SHISA9: variants seen among roughly 807,000 people sequenced by gnomAD.
The protein encoded by SHISA9 is shisa family member 9.
A neutral mutation model predicts 38.0 loss-of-function variants in SHISA9; 13 were observed. The ratio of observed to expected loss-of-function variants is 0.34; its 90% CI spans 0.22 to 0.54. The LOEUF (loss-of-function observed/expected upper bound fraction) is 0.54. Among genes scored for constraint, SHISA9 ranks in the 20% least tolerant of loss-of-function variants. The pLI is 0.91. For synonymous variants in SHISA9, 275 were observed against 242.0 expected, an observed-to-expected ratio of 1.14 and a Z score of -1.27; for missense variants, 538 against 575.8, an observed-to-expected ratio of 0.93 and a Z score of 0.67.
chr16:13,111,355 A>C (rs1029538655), intron 2 of SHISA9, among the ~76,000 whole-genome samples: 2 of 151,730 alleles, frequency 1.3e-5, no homozygotes, highest in African/African-American at 4.8e-5. Flanking sequence ...AAAAAAAAAA[A>C]AAAACCCAAA....
intron 2 of SHISA9, among the ~76,000 whole-genome samples, chr16:13,000,665 G>A (rs1223971850): frequency 6.6e-6 from 1 of 152,166 alleles, no homozygotes; most frequent in African/African-American, 2.4e-5. Context: ...GGCACTGACA[G>A]TGTCTGCTAG....
At chr16:13,359,715 G>A in the SHISA9 span, among the ~76,000 whole-genome samples, 2 of 152,042 alleles carry the variant, frequency 1.3e-5, no homozygotes, top group African/African-American at 4.8e-5. Flanking sequence ...GAAGTTTATG[G>A]GTCACTTCTT....
the SHISA9 span, among the ~76,000 whole-genome samples, chr16:13,420,245 CAAAAAAAAAAAAA>C: frequency 4.2e-4 from 21 of 50,406 alleles, no homozygotes; most frequent in South Asian, 0.022. Flanking sequence ...GAATCTGTTT[CAAAAAAAAAAAAA>C]AAAAAAAAAA....
intron 2 of SHISA9, among the ~76,000 whole-genome samples, chr16:13,022,076 C>A (rs1306827291): frequency 2.0e-5 from 3 of 152,124 alleles, no homozygotes; most frequent in Non-Finnish European, 4.4e-5. Context: ...CTTGTGGGTG[C>A]ATAATTCCAT....
At chr16:13,157,271 A>C (rs548255798) in intron 2 of SHISA9, among the ~76,000 whole-genome samples, 26 of 152,348 alleles carry the variant, frequency 1.7e-4, no homozygotes, top group African/African-American at 4.3e-4. Flanking sequence ...CTATCCTAGC[A>C]TTAAGGAAGT....
intron 2 of SHISA9, among the ~76,000 whole-genome samples, chr16:13,041,279 C>T (rs1030683577): frequency 6.6e-6 from 1 of 152,190 alleles, no homozygotes; most frequent in Non-Finnish European, 1.5e-5. Context: ...ACTTGAACAA[C>T]CTGATCTCTC....
chr16:13,318,922 C>A, the SHISA9 span, among the ~76,000 whole-genome samples: 1 of 152,266 alleles, frequency 6.6e-6, no homozygotes, highest in Non-Finnish European at 1.5e-5. Flanking sequence ...GAGCTCTCCA[C>A]CATGTGGGTC....
intron 2 of SHISA9, among the ~76,000 whole-genome samples, chr16:13,081,116 C>T (rs997713052): frequency 6.6e-6 from 1 of 152,204 alleles, no homozygotes; most frequent in East Asian, 1.9e-4. Context: ...AATCATAGCC[C>T]TAAATGATGG....
At chr16:13,032,492 T>G (rs905891338) in intron 2 of SHISA9, among the ~76,000 whole-genome samples, 4 of 152,166 alleles carry the variant, frequency 2.6e-5, no homozygotes, top group African/African-American at 9.7e-5. Context: ...ACTGATGAAG[T>G]TTTTGAATGG....
chr16:13,038,433 G>T (rs532603440), intron 2 of SHISA9, among the ~76,000 whole-genome samples: 1 of 152,142 alleles, frequency 6.6e-6, no homozygotes, highest in Admixed American at 6.5e-5. Context: ...GCCTCACCTT[G>T]TGCTAGTCCC....
the SHISA9 span, among the ~76,000 whole-genome samples, chr16:13,553,452 G>A: frequency 6.6e-6 from 1 of 152,132 alleles, no homozygotes; most frequent in Admixed American, 6.5e-5. Context: ...CCATTTTACA[G>A]GTGGGAGAAC....
At chr16:13,165,486 A>G (rs2050627583) in intron 2 of SHISA9, among the ~76,000 whole-genome samples, 1 of 152,326 alleles carries the variant, frequency 6.6e-6, no homozygotes, top group Non-Finnish European at 1.5e-5. Flanking sequence ...TTTTAAGAAG[A>G]GTTATTTAAT....
chr16:13,061,121 A>G (rs892893557), intron 2 of SHISA9, among the ~76,000 whole-genome samples: 7 of 152,172 alleles, frequency 4.6e-5, no homozygotes, highest in African/African-American at 7.2e-5. Flanking sequence ...TTGGAAGCCA[A>G]TCCTCGTTAA....
At chr16:13,518,769 C>T in the SHISA9 span, among the ~76,000 whole-genome samples, 1,077 of 152,298 alleles carry the variant, frequency 7.1e-3, 6 homozygotes, top group African/African-American at 0.022. Flanking sequence ...CAACAGACTG[C>T]GCAATTTATA....
At chr16:13,433,272 C>T in the SHISA9 span, among the ~76,000 whole-genome samples, 54 of 152,270 alleles carry the variant, frequency 3.5e-4, no homozygotes, top group South Asian at 6.2e-4. Flanking sequence ...ATTTAACTCA[C>T]GGTGTGACTT....
chr16:13,245,431 A>T, the SHISA9 span, among the ~76,000 whole-genome samples: 1 of 152,152 alleles, frequency 6.6e-6, no homozygotes, highest in Admixed American at 6.5e-5. Context: ...ATTTTTTTAA[A>T]ATAGGGATAA....
intron 4 of SHISA9, among the ~76,000 whole-genome samples, chr16:13,225,287 G>A (rs1230464767): frequency 6.6e-6 from 1 of 152,144 alleles, no homozygotes; most frequent in Non-Finnish European, 1.5e-5. Context: ...CTGGCCTTTG[G>A]AACTGCAAGA....
the SHISA9 span, among the ~76,000 whole-genome samples, chr16:13,408,803 C>A: frequency 1.3e-5 from 2 of 152,136 alleles, no homozygotes; most frequent in Non-Finnish European, 2.9e-5. Flanking sequence ...ATCAAGATAC[C>A]AAGTGAGTAA....
At chr16:13,199,282 T>C (rs548947653) in intron 2 of SHISA9, among the ~76,000 whole-genome samples, 20 of 152,300 alleles carry the variant, frequency 1.3e-4, no homozygotes, top group Admixed American at 2.6e-4. Flanking sequence ...GGGCCTACCA[T>C]TGAGACATTA....
Sources: gnomAD v4.1 joint callset for allele counts (sites outside exome capture counted in the v4.1 genomes callset) on GRCh38, gnomAD v4.1.1 for gene constraint, MANE v1.5 for transcripts, NCBI Gene and HGNC (gene_info 2026-07-23, HGNC 2026-07-21) for gene names.